ZFX: variants seen among roughly 807,000 people sequenced by gnomAD.
ZFX encodes the protein zinc finger X-chromosomal protein.
For synonymous variants in ZFX, 196 were observed against 226.8 expected, an observed-to-expected ratio of 0.86 and a Z score of 1.22; for missense variants, 362 against 628.3, an observed-to-expected ratio of 0.58 and a Z score of 4.53.
In ZFX at chrX:24,156,838, T is replaced by C. The variant is rs746989808; in HGVS notation, c.-29+4008T>C. ...CCCGGCTAATTTTTTGTATTTTTAG[T>C]AGAGACGGGGTTTCACCGTGTTAGC... On this transcript the variant is annotated intron_variant, in intron 3 of 9. Coordinates refer to ENST00000304543, the MANE Select transcript of ZFX (RefSeq NM_003410.4). Among the ~76,000 whole-genome samples the C allele has an allele frequency of 2.7e-5, 3 of 110,607 alleles. No individual in the cohort carries two copies. In the South Asian group the frequency reaches 1.2e-3, roughly 43 times the overall value.
At chrX:24,153,227 C>T (rs1932407414) in intron 3 of ZFX, among the ~76,000 whole-genome samples, 1 of 112,063 alleles carries the variant, frequency 8.9e-6, no homozygotes, top group South Asian at 3.7e-4. Flanking sequence ...CTTGAAATCT[C>T]TCATCTTCAG....
chrX:24,207,273 A>T, intron 5 of ZFX, 53 bp from the exon 6 acceptor site: 1 of 1,088,746 alleles, frequency 9.2e-7, no homozygotes, highest in Admixed American at 2.7e-5. Flanking sequence ...GCGAATAGTA[A>T]CATTTTATTT....
In ZFX at chrX:24,215,920, A is replaced by C. The variant is rs1442238733; in HGVS notation, c.*4544A>C. The C allele has an allele frequency of 4.5e-5, 5 of 110,983 alleles. No individual in the cohort carries two copies. The highest frequency in any genetic ancestry group is 3.9e-4 in the Admixed American group (4 of 10,378). 9.1% of individuals were successfully genotyped at this position (110,983 alleles called of 1,213,427 possible). A position where few individuals can be genotyped will look rare whatever the true frequency, so the allele number is the denominator to read the frequency against. On this transcript the variant is annotated 3_prime_UTR_variant, in exon 10 of 10. Transcript: ENST00000304543. ...CATAACCATTTTGCCACATTCTGTA[A>C]CTGTTTAGCTAAGGTCAAATTAAGT...
intron 5 of ZFX, among the ~76,000 whole-genome samples, chrX:24,199,047 A>G (rs1447019140): frequency 9.0e-6 from 1 of 110,948 alleles, no homozygotes; most frequent in Non-Finnish European, 1.9e-5. Flanking sequence ...GGCTCCAGCA[A>G]AAGAGTGAGG....
chrX:24,171,719 A>G (rs1934615442), intron 3 of ZFX, among the ~76,000 whole-genome samples: 1 of 111,426 alleles, frequency 9.0e-6, no homozygotes, highest in South Asian at 3.8e-4. Flanking sequence ...GGCCATTGGA[A>G]TGTCTTACAA....
intron 3 of ZFX, among the ~76,000 whole-genome samples, chrX:24,169,333 G>A (rs762146330): frequency 1.1e-4 from 12 of 111,480 alleles, no homozygotes; most frequent in Non-Finnish European, 2.1e-4. Flanking sequence ...GGTTAATACT[G>A]CAGAGCCTTT....
intron 3 of ZFX, among the ~76,000 whole-genome samples, chrX:24,159,986 A>G (rs1455909755): frequency 8.9e-6 from 1 of 111,791 alleles, no homozygotes; most frequent in African/African-American, 3.2e-5. Flanking sequence ...ATGCATTATT[A>G]TAAAATACAG....
At position 24,212,770 on chromosome X, in the gene ZFX, A is replaced by T. The variant is rs977868343; in HGVS notation, c.*1394A>T. 4.4e-5 allele frequency: 5 copies of T among 112,955 alleles called. No individual in the cohort carries two copies. The highest frequency in any genetic ancestry group is 1.6e-4 in the African/African-American group (5 of 31,069). The allele number at this position is 112,955 out of a possible 1,213,427, so 9.3% of individuals were successfully genotyped here. On this transcript the variant is annotated 3_prime_UTR_variant, in exon 10 of 10. Transcript: ENST00000304543. ...CTCAGTTACAGTTAGCAAACTTTAA[A>T]AACTTAACACTCAAGTTGGCTTTGA...
intron 4 of ZFX, among the ~76,000 whole-genome samples, chrX:24,178,602 T>TA (rs927392153): frequency 1.3e-5 from 1 of 77,219 alleles, no homozygotes; most frequent in Non-Finnish European, 2.5e-5. Context: ...TTTTTTTTTT[T>TA]AAAACAGTCT....
intron 5 of ZFX, 55 bp downstream of exon 5, chrX:24,179,825 A>G: frequency 9.5e-7 from 1 of 1,055,498 alleles, no homozygotes; most frequent in South Asian, 2.1e-5. Flanking sequence ...TGCCTCTTCT[A>G]ATTTACATCA....
chrX:24,179,813 G>A, intron 5 of ZFX, 43 bp downstream of exon 5: 1 of 1,112,757 alleles, frequency 9.0e-7, no homozygotes, highest in Non-Finnish European at 1.2e-6. Flanking sequence ...GTTTTTGTAG[G>A]CTGCCTCTTC....
intron 5 of ZFX, among the ~76,000 whole-genome samples, chrX:24,195,448 G>A (rs1008315606): frequency 6.4e-5 from 7 of 110,032 alleles, no homozygotes; most frequent in Non-Finnish European, 1.1e-4. Context: ...CGCCTCCCGG[G>A]TTCACGCCAT....
chrX:24,168,671 C>CTTTTTTTTTTTTTTT (rs141296315), intron 3 of ZFX, among the ~76,000 whole-genome samples: 3 of 83,268 alleles, frequency 3.6e-5, no homozygotes, highest in South Asian at 6.2e-4. Flanking sequence ...TTCTTTCTTT[C>CTTTTTTTTTTTTTTT]TTTTTTTTTT....
In ZFX at chrX:24,165,829, T is replaced by C. The variant is rs891424158; in HGVS notation, c.-28-6886T>C. Among the ~76,000 whole-genome samples, 314 of 112,548 alleles carry C rather than the reference T, an allele frequency of 2.8e-3. 3 individuals carry two copies. The highest frequency in any genetic ancestry group is 8.4e-3 in the African/African-American group (262 of 31,048). On this transcript the variant is annotated intron_variant, in intron 3 of 9. Coordinates refer to ENST00000304543, the MANE Select transcript of ZFX (RefSeq NM_003410.4). Reference sequence around the variant, plus strand: ...GTAGAGGAAACGTGAATAGAATTTCTTTTCAGAATTTCAGCAAAAACTAAT... The same window carrying C: ...GTAGAGGAAACGTGAATAGAATTTCCTTTCAGAATTTCAGCAAAAACTAAT...
chrX:24,180,514 T>C (rs1210172020), intron 5 of ZFX, among the ~76,000 whole-genome samples: 2 of 109,896 alleles, frequency 1.8e-5, no homozygotes, highest in Non-Finnish European at 3.8e-5. Flanking sequence ...CCCAAGTAGC[T>C]GGGATTGTAG....
rs771723278 is a variant in ZFX, at chrX:24,211,289, G to T, written c.2331G>T (p.Arg777=). The change falls in exon 10 of 10, where the codon CGG becomes CGT. Residue 777 remains arginine, a synonymous_variant. Coordinates refer to ENST00000304543, the MANE Select transcript of ZFX (RefSeq NM_003410.4). The part of the protein sequence containing the change: ...ISIHTKDYPH[R]CEYCKKGFRR... ...TTCACACGAAAGACTATCCTCACCG[G>T]TGTGAGTACTGCAAGAAAGGCTTCC... is the stretch of plus-strand genomic sequence containing the variant. The T allele has an allele frequency of 6.6e-6, 8 of 1,212,046 alleles. No homozygotes were observed. The Admixed American group carries it at 1.5e-4, about 23-fold the overall frequency.
At chrX:24,193,090 G>A (rs1392763079) in intron 5 of ZFX, among the ~76,000 whole-genome samples, 1 of 110,937 alleles carries the variant, frequency 9.0e-6, no homozygotes, top group Admixed American at 9.7e-5. Context: ...GTTTAAAGAT[G>A]TAAAACCAGA....
chrX:24,206,482 G>A (rs925008657), intron 5 of ZFX, among the ~76,000 whole-genome samples: 11 of 105,519 alleles, frequency 1.0e-4, no homozygotes, highest in Non-Finnish European at 1.9e-4. Flanking sequence ...GACTACAGGC[G>A]CATGCCACCA....
At position 24,184,276 on chromosome X, in the gene ZFX, C is replaced by T. The variant is rs925806419; in HGVS notation, c.646+4506C>T. The stretch of plus-strand genomic sequence containing the variant: ...GAGAAAGCAGAGAGTTGAGTTCGTC[C>T]CAGTTTGTGAGGGGAAGAGGGCCTG... On this transcript the variant is annotated intron_variant, in intron 5 of 9. Coordinates refer to ENST00000304543, the MANE Select transcript of ZFX (RefSeq NM_003410.4). 7.2e-5 allele frequency among the ~76,000 whole-genome samples: 8 copies of T among 111,237 alleles called. No homozygotes were observed. In the Admixed American group the frequency reaches 7.7e-4, roughly 11 times the overall value.
Sources: gnomAD v4.1 joint callset for allele counts (sites outside exome capture counted in the v4.1 genomes callset) on GRCh38, gnomAD v4.1.1 for gene constraint, MANE v1.5 for transcripts, NCBI Gene and HGNC (gene_info 2026-07-23, HGNC 2026-07-21) for gene names.